Variants in ANKIB1 observed in about 807,000 individuals in gnomAD.
ANKIB1 encodes the protein ankyrin repeat and IBR domain containing 1, also known as ankyrin repeat and IBR domain-containing protein 1.
Under a neutral mutation model 122.1 loss-of-function variants are expected in ANKIB1, and 43 were observed. The ratio of observed to expected loss-of-function variants is 0.35; its 90% confidence interval spans 0.28 to 0.45. The LOEUF is 0.45. Among genes scored for constraint, ANKIB1 ranks in the 20% least tolerant of loss-of-function variants. The pLI, the probability that ANKIB1 is intolerant of heterozygous loss-of-function variation, is 1.00. For missense variants in ANKIB1, 992 were observed against 1,329.5 expected, an observed-to-expected ratio of 0.75 and a Z score of 3.95; for synonymous variants, 390 against 442.0, an observed-to-expected ratio of 0.88 and a Z score of 1.48.
intron 5 of ANKIB1, among the ~76,000 whole-genome samples, chr7:92,329,160 G>T (rs1803100022): frequency 6.6e-6 from 1 of 151,844 alleles, no homozygotes; most frequent in African/African-American, 2.4e-5. Flanking sequence ...TAGAGACAAG[G>T]TTCCATCATG....
At chr7:92,352,450 G>C (rs746107977) in intron 8 of ANKIB1, 26 bp from the exon 9 acceptor site, 2 of 1,608,540 alleles carry the variant, frequency 1.2e-6, no homozygotes. Flanking sequence ...ATTTTCTTTT[G>C]TGTTTTGTTA....
intron 11 of ANKIB1, among the ~76,000 whole-genome samples, chr7:92,379,705 A>G (rs532364776): frequency 6.6e-6 from 1 of 152,330 alleles, no homozygotes; most frequent in African/African-American, 2.4e-5. Context: ...ACTGTATCCT[A>G]TATAGTCAGA....
intron 1 of ANKIB1, among the ~76,000 whole-genome samples, chr7:92,270,728 GTTTTTTTTTTTT>G (rs397889266): frequency 4.9e-5 from 4 of 81,982 alleles, no homozygotes; most frequent in African/African-American, 1.5e-4. Context: ...CATCGCTATA[GTTTTTTTTTTTT>G]TTTTTTTTTT....
chr7:92,343,557 G>GT (rs1803477536), intron 6 of ANKIB1, among the ~76,000 whole-genome samples: 1 of 152,150 alleles, frequency 6.6e-6, no homozygotes, highest in African/African-American at 2.4e-5. Context: ...GCCAGGCACA[G>GT]TAAGTAGCTC....
At chr7:92,396,547 A>T in intron 18 of ANKIB1, 71 bp downstream of exon 18, 3 of 768,214 alleles carry the variant, frequency 3.9e-6, no homozygotes, top group Non-Finnish European at 6.5e-6. Context: ...TGGCTGATGT[A>T]AATTTTTGTG....
chr7:92,340,586 T>C (rs1803416631), intron 5 of ANKIB1, among the ~76,000 whole-genome samples: 1 of 150,948 alleles, frequency 6.6e-6, no homozygotes, highest in South Asian at 2.1e-4. Context: ...CATGTAAATC[T>C]AAGGACAGAG....
chr7:92,341,195 A>C (rs1458856298), intron 5 of ANKIB1, among the ~76,000 whole-genome samples: 2 of 151,930 alleles, frequency 1.3e-5, no homozygotes, highest in Admixed American at 6.6e-5. Context: ...CTGTAGTCCC[A>C]GCTATTTGGG....
chr7:92,324,141 G>A (rs1313132050), intron 4 of ANKIB1, among the ~76,000 whole-genome samples: 2 of 152,202 alleles, frequency 1.3e-5, no homozygotes, highest in Admixed American at 6.5e-5. Context: ...ACTAGATAAA[G>A]GTGGTGATTG....
In ANKIB1 at chr7:92,371,480, TG is replaced by T; in HGVS notation, c.1493del (p.Gly498GlufsTer16). 1 of 1,604,738 alleles carries T rather than the reference TG, an allele frequency of 6.2e-7. No individual in the cohort carries two copies. Among genetic ancestry groups the T allele is most frequent in the Non-Finnish European group, 8.5e-7 (1 of 1,175,088 alleles). On this transcript the variant is annotated frameshift_variant, in exon 11 of 20. Coordinates refer to ENST00000265742, the MANE Select transcript of ANKIB1 (RefSeq NM_019004.2). LOFTEE classifies it high-confidence loss of function. ...KITEMKPEELVGVSEAYEDAA... is the reference protein window; with the variant it reads ...KITEMKPEELXGVSEAYEDAA... ...GATTGTGTTTAATATCCCAAAGTTG[TG>T]GGAGTTAGTGAAGCCTACGAGGATG...
intron 5 of ANKIB1, among the ~76,000 whole-genome samples, chr7:92,333,211 C>T (rs1043760923): frequency 5.3e-5 from 8 of 152,260 alleles, no homozygotes; most frequent in Middle Eastern, 3.4e-3. Context: ...TCTCTAGTCC[C>T]GATTTTTCAT....
At chr7:92,365,868 C>T (rs1012488252) in intron 10 of ANKIB1, among the ~76,000 whole-genome samples, 1 of 123,848 alleles carries the variant, frequency 8.1e-6, no homozygotes, top group African/African-American at 3.1e-5. Context: ...GCGATCTCGG[C>T]TCACTGCAAG....
chr7:92,265,462 C>G (rs779255545), intron 1 of ANKIB1, among the ~76,000 whole-genome samples: 4 of 152,120 alleles, frequency 2.6e-5, no homozygotes, highest in Admixed American at 6.5e-5. Context: ...GCCAGTGTAG[C>G]TGGAGCATAC....
chr7:92,276,219 A>G (rs1413771935), intron 1 of ANKIB1, among the ~76,000 whole-genome samples: 1 of 152,226 alleles, frequency 6.6e-6, no homozygotes, highest in Non-Finnish European at 1.5e-5. Context: ...ATGAACAAAT[A>G]CTGTAAAATT....
chr7:92,265,811 A>T (rs1801660642), intron 1 of ANKIB1, among the ~76,000 whole-genome samples: 1 of 152,206 alleles, frequency 6.6e-6, no homozygotes, highest in South Asian at 2.1e-4. Flanking sequence ...TGGAGGAAGA[A>T]TAGGTTGGTG....
Position 92,397,794 on chromosome 7 carries a change from C to T in ANKIB1, c.2467C>T (p.Leu823=). Residue 823 remains leucine, a synonymous_variant, in exon 19 of 20, where the codon CTG becomes TTG. Transcript: ENST00000265742. ...SVVSSASMSV[L]HSSSLRDYTP... is the part of the protein sequence containing the mutation. Reference sequence around the variant, plus strand: ...GGTAAGTTCTGCATCTATGAGTGTGCTGCACAGCTCTTCCCTGCGTGACTA... The same window carrying T: ...GGTAAGTTCTGCATCTATGAGTGTGTTGCACAGCTCTTCCCTGCGTGACTA... 21 of 1,607,026 alleles carry T rather than the reference C, an allele frequency of 1.3e-5. No homozygotes were observed. The highest frequency in any genetic ancestry group is 1.7e-5 in the Non-Finnish European group (20 of 1,178,144).
intron 1 of ANKIB1, among the ~76,000 whole-genome samples, chr7:92,274,103 T>C (rs1801851707): frequency 6.6e-6 from 1 of 152,160 alleles, no homozygotes; most frequent in South Asian, 2.1e-4. Context: ...GTTAAGCTTT[T>C]CTGTTTCCAG....
At chr7:92,300,039 TCAA>T (rs1802430616) in intron 2 of ANKIB1, among the ~76,000 whole-genome samples, 2 of 152,100 alleles carry the variant, frequency 1.3e-5, no homozygotes, top group Non-Finnish European at 2.9e-5. Context: ...ACTCCTGAGC[TCAA>T]GCAGTCCACC....
At position 92,397,831 on chromosome 7, in the gene ANKIB1, G is replaced by A. The variant is rs1478015040; in HGVS notation, c.2504G>A (p.Ser835Asn). ...SSSLRDYTPA[S>N]RSENQDSLQA... ...TCCCTGCGTGACTACACCCCTGCCA[G>A]TCGCTCTGAAAACCAGGACTCTCTT... Residue 835 changes from serine (S) to asparagine (N), a missense_variant, in exon 19 of 20, where the codon AGT becomes AAT. Ser to Asn is a conservative substitution (Grantham distance 46). Coordinates refer to ENST00000265742, the MANE Select transcript of ANKIB1 (RefSeq NM_019004.2). 1.2e-6 allele frequency: 2 copies of A among 1,607,070 alleles called. No individual in the cohort carries two copies. Among genetic ancestry groups the A allele is most frequent in the Non-Finnish European group, 8.5e-7 (1 of 1,177,898 alleles).
At chr7:92,391,436 G>A in intron 16 of ANKIB1, 92 bp downstream of exon 16, 1 of 1,178,106 alleles carries the variant, frequency 8.5e-7, no homozygotes, top group Non-Finnish European at 1.1e-6. Flanking sequence ...CATATTCCTG[G>A]AAATTATTTA....
Sources: allele counts gnomAD v4.1 joint callset (sites outside exome capture counted in the v4.1 genomes callset), GRCh38; gene constraint gnomAD v4.1.1; transcripts MANE v1.5; gene names NCBI Gene and HGNC (gene_info 2026-07-23, HGNC 2026-07-21).